MECOM: variants seen among roughly 807,000 people sequenced by gnomAD.
The protein encoded by MECOM is MDS1 and EVI1 complex locus.
MECOM carries 13 observed loss-of-function variants against 116.3 expected under a neutral mutation model. The observed-to-expected ratio is 0.11, with a 90% CI of 0.07 to 0.18. The LOEUF is 0.18. Ranked by LOEUF, MECOM falls within the 10% of genes least tolerant of loss-of-function variation. The probability of loss-of-function intolerance (pLI) is 1.00; values close to 1 mark genes in which losing one functional copy is unlikely to be tolerated. For synonymous variants in MECOM, 528 were observed against 535.2 expected, an observed-to-expected ratio of 0.99 and a Z score of 0.19; for missense variants, 1,299 against 1,509.0, an observed-to-expected ratio of 0.86 and a Z score of 2.31.
At chr3:169,476,449 C>CAG (rs1750388441) in intron 1 of MECOM, among the ~76,000 whole-genome samples, 1 of 152,114 alleles carries the variant, frequency 6.6e-6, no homozygotes, top group South Asian at 2.1e-4. Context: ...TCATCAATAA[C>CAG]GCTTTGATAG....
intron 2 of MECOM, among the ~76,000 whole-genome samples, chr3:169,313,233 T>C (rs1040903283): frequency 2.6e-5 from 4 of 152,170 alleles, no homozygotes; most frequent in African/African-American, 4.8e-5. Flanking sequence ...CAGTAACTGA[T>C]GGCCCTAAAA....
intron 2 of MECOM, among the ~76,000 whole-genome samples, chr3:169,333,266 G>C (rs767312013): frequency 5.9e-5 from 9 of 152,152 alleles, no homozygotes; most frequent in Non-Finnish European, 1.3e-4. Context: ...GAGATACAGA[G>C]GGGTGACCTG....
At chr3:169,179,505 T>C (rs1745656383) in intron 2 of MECOM, among the ~76,000 whole-genome samples, 1 of 152,078 alleles carries the variant, frequency 6.6e-6, no homozygotes, top group Non-Finnish European at 1.5e-5. Context: ...TGAAATGCAA[T>C]GAAAAAGCTC....
At chr3:169,456,002 C>G (rs1397754064) in intron 1 of MECOM, among the ~76,000 whole-genome samples, 2 of 152,122 alleles carry the variant, frequency 1.3e-5, no homozygotes, top group East Asian at 1.9e-4. Flanking sequence ...ATCAGTGTTT[C>G]TTTTCCTTTT....
At chr3:169,608,010 A>T (rs1768803291) in intron 1 of MECOM, among the ~76,000 whole-genome samples, 1 of 152,196 alleles carries the variant, frequency 6.6e-6, no homozygotes, top group Admixed American at 6.5e-5. Context: ...TACCACTGCC[A>T]ACTCATGCAC....
chr3:169,088,149 C>T (rs1159992415), intron 16 of MECOM, among the ~76,000 whole-genome samples: 1 of 152,040 alleles, frequency 6.6e-6, no homozygotes, highest in African/African-American at 2.4e-5. Flanking sequence ...CAGGTCAGGC[C>T]ACATACAAAA....
rs149892422 is a variant in MECOM at position 169,128,046 on chromosome 3, G to A, written c.628C>T (p.Arg210Cys). Reference sequence around the variant, plus strand: ...AAGAGCTGGTCACAGTCTTCGCAGCGATATTGCCGTTCTTCTGTGAAAACA... The same window carrying A: ...AAGAGCTGGTCACAGTCTTCGCAGCAATATTGCCGTTCTTCTGTGAAAACA... ...APDIHEERQY[R>C]CEDCDQLFES... The change falls in exon 5 of 17, where the codon CGC becomes TGC. Residue 210 changes from arginine (R) to cysteine (C), a missense_variant. Coordinates refer to ENST00000651503, the MANE Select transcript of MECOM (RefSeq NM_004991.4). 7.4e-6 allele frequency: 12 copies of A among 1,613,822 alleles called. No homozygotes were observed. Among genetic ancestry groups the A allele is most frequent in the South Asian group, 1.1e-5 (1 of 91,082 alleles).
At chr3:169,608,588 G>A (rs1041020252) in intron 1 of MECOM, among the ~76,000 whole-genome samples, 1 of 152,044 alleles carries the variant, frequency 6.6e-6, no homozygotes, top group Admixed American at 6.6e-5. Flanking sequence ...CCAGTGCCTG[G>A]CAAAAGGACC....
chr3:169,448,620 G>A (rs563135635), intron 1 of MECOM, among the ~76,000 whole-genome samples: 46 of 152,266 alleles, frequency 3.0e-4, no homozygotes, highest in African/African-American at 1.1e-3. Flanking sequence ...GTGTGCATGT[G>A]AGACCCCTGG....
At chr3:169,600,646 C>T (rs1451428185) in intron 1 of MECOM, among the ~76,000 whole-genome samples, 2 of 152,118 alleles carry the variant, frequency 1.3e-5, no homozygotes, top group Admixed American at 6.5e-5. Flanking sequence ...CATTATAAAC[C>T]GCATTTCAGG....
At chr3:169,387,423 C>T (rs11914665) in intron 1 of MECOM, among the ~76,000 whole-genome samples, 2,071 of 152,214 alleles carry the variant, frequency 0.014, 22 homozygotes, top group Middle Eastern at 0.041. Context: ...TTGGCCTTTC[C>T]GCCTAGTTTA....
At chr3:169,546,225 G>A (rs955232731) in intron 1 of MECOM, among the ~76,000 whole-genome samples, 11 of 151,996 alleles carry the variant, frequency 7.2e-5, no homozygotes, top group East Asian at 3.9e-4. Context: ...TTCTGCAGTC[G>A]TGGCAATTCC....
chr3:169,649,810 C>T (rs1161592398), intron 1 of MECOM, among the ~76,000 whole-genome samples: 1 of 152,096 alleles, frequency 6.6e-6, no homozygotes, highest in Non-Finnish European at 1.5e-5. Flanking sequence ...TAAATTAATC[C>T]CTTAAAGATT....
At chr3:169,282,758 C>T (rs1712365044) in intron 2 of MECOM, among the ~76,000 whole-genome samples, 1 of 151,726 alleles carries the variant, frequency 6.6e-6, no homozygotes, top group Admixed American at 6.6e-5. Context: ...TGTGCACCTC[C>T]AATATGTTAA....
At chr3:169,381,122 C>T (rs1732321932) in intron 2 of MECOM, 65 bp downstream of exon 2, 1 of 1,416,316 alleles carries the variant, frequency 7.1e-7, no homozygotes, top group Non-Finnish European at 9.6e-7. Context: ...TTTGTGGATG[C>T]TTAAACAATC....
intron 2 of MECOM, among the ~76,000 whole-genome samples, chr3:169,210,533 C>T (rs972402254): frequency 6.6e-6 from 1 of 152,066 alleles, no homozygotes; most frequent in African/African-American, 2.4e-5. Flanking sequence ...TCAACATAAT[C>T]AAGATCTTGC....
chr3:169,368,505 A>G (rs1432856641), intron 2 of MECOM, among the ~76,000 whole-genome samples: 8 of 151,994 alleles, frequency 5.3e-5, no homozygotes, highest in Admixed American at 5.2e-4. Flanking sequence ...CTACCTACTT[A>G]TCATTATTGG....
At chr3:169,609,138 T>A (rs1477888964) in intron 1 of MECOM, among the ~76,000 whole-genome samples, 2 of 152,172 alleles carry the variant, frequency 1.3e-5, no homozygotes, top group Non-Finnish European at 2.9e-5. Flanking sequence ...AGCCTCATGC[T>A]CCAAAGTCCC....
At chr3:169,450,189 C>G (rs1745320094) in intron 1 of MECOM, among the ~76,000 whole-genome samples, 1 of 152,106 alleles carries the variant, frequency 6.6e-6, no homozygotes, top group South Asian at 2.1e-4. Context: ...AATATTATTT[C>G]TGAAATATGT....
Sources: gnomAD v4.1 joint callset for allele counts (sites outside exome capture counted in the v4.1 genomes callset) on GRCh38, gnomAD v4.1.1 for gene constraint, MANE v1.5 for transcripts, NCBI Gene and HGNC (gene_info 2026-07-23, HGNC 2026-07-21) for gene names.